Variants in PRRT4 observed in about 807,000 individuals in gnomAD.
The protein encoded by PRRT4 is proline rich transmembrane protein 4, also known as proline-rich transmembrane protein 4.
Under a neutral mutation model 55.6 loss-of-function variants are expected in PRRT4, and 59 were observed. The ratio of observed to expected loss-of-function variants is 1.06; its 90% confidence interval spans 0.86 to 1.32. The LOEUF (loss-of-function observed/expected upper bound fraction) is 1.32, where lower values mean the gene tolerates loss of function less well. Ranked by LOEUF, PRRT4 falls within the 40% of genes most tolerant of loss-of-function variation. The pLI is 0.00. For missense variants in PRRT4, 1,217 were observed against 1,222.0 expected, an observed-to-expected ratio of 1.00 and a Z score of 0.06; for synonymous variants, 606 against 601.8, an observed-to-expected ratio of 1.01 and a Z score of -0.10.
At chr7:128,352,342 A>C in exon 5 of PRRT4, 1 of 1,540,308 alleles carries the variant, frequency 6.5e-7, no homozygotes, top group East Asian at 2.4e-5. Context: ...CGACAGCAGC[A>C]GCAGGTCCAG....
rs1796989167 is a variant in PRRT4, at chr7:128,351,966, C to T, written c.1590G>A (p.Leu530=). 3 of 1,301,656 alleles carry T rather than the reference C, an allele frequency of 2.3e-6. No individual in the cohort carries two copies. In the Admixed American group the frequency reaches 1.1e-4, roughly 48 times the overall value. The allele number at this position is 1,301,656 out of a possible 1,614,324, so 80.6% of individuals were successfully genotyped here. A position where few individuals can be genotyped will look rare whatever the true frequency, so the allele number is the denominator to read the frequency against. Residue 530 remains leucine (L), a synonymous_variant, in exon 5 of 5, where the codon CTG becomes CTA. Transcript: ENST00000535159. ...TGGCGCCCTTGAAGCCCGACCCTCC[C>T]AGGGGCGCCCCGGCCCGCCGCCGCC...
intron 1 of PRRT4, among the ~76,000 whole-genome samples, chr7:128,361,008 G>A (rs1194041577): frequency 3.0e-5 from 4 of 132,612 alleles, no homozygotes; most frequent in African/African-American, 1.2e-4. Context: ...CACACACTCC[G>A]TCCTGCCGAG....
chr7:128,351,295 T>C (rs1353077669), exon 5 of PRRT4: 2 of 1,542,604 alleles, frequency 1.3e-6, no homozygotes, highest in South Asian at 2.4e-5. Context: ...AGGCAGAGCG[T>C]CCTCGAAGGC....
chr7:128,352,447 A>AC lies in PRRT4; in HGVS notation c.1108dup (p.Val370GlyfsTer209), dbSNP rs1218067686. The AC allele has an allele frequency of 2.6e-6, 4 of 1,538,384 alleles. No homozygotes were observed. The highest frequency in any genetic ancestry group is 3.5e-6 in the Non-Finnish European group (4 of 1,146,474). On this transcript the variant is annotated frameshift_variant, in exon 5 of 5. Transcript: ENST00000535159. LOFTEE classifies it high-confidence loss of function. The stretch of plus-strand genomic sequence containing the variant: ...GGCAACCAGGCCGAAGAGCGCGCCT[A>AC]CCCCGTACACGTGGGCCTCCCAGGC...
At chr7:128,359,487 G>A in exon 2 of PRRT4, 1 of 1,464,190 alleles carries the variant, frequency 6.8e-7, no homozygotes, top group Non-Finnish European at 9.0e-7. Context: ...TGGGGCCTGG[G>A]AGCACTGGAT....
intron 4 of PRRT4, among the ~76,000 whole-genome samples, chr7:128,357,007 C>T (rs1338589712): frequency 2.0e-5 from 3 of 152,156 alleles, no homozygotes; most frequent in Admixed American, 1.3e-4. Flanking sequence ...GAGGTGGGCA[C>T]TGATTCACTG....
At chr7:128,353,883 T>C (rs1444797806) in intron 4 of PRRT4, among the ~76,000 whole-genome samples, 1 of 152,102 alleles carries the variant, frequency 6.6e-6, no homozygotes, top group Non-Finnish European at 1.5e-5. Context: ...GGAAGTCACC[T>C]AAGAGAGGGT....
chr7:128,359,185 A>G, exon 3 of PRRT4: 1 of 1,551,768 alleles, frequency 6.4e-7, no homozygotes, highest in Non-Finnish European at 8.7e-7. Flanking sequence ...GAGCTTGTGG[A>G]TGTAGTTTCA....
exon 5 of PRRT4, chr7:128,350,951 G>C (rs1448950090): frequency 3.9e-5 from 60 of 1,550,878 alleles, no homozygotes; most frequent in Non-Finnish European, 5.2e-5. Flanking sequence ...TCGGCCTGCA[G>C]CTCAGAAGCA....
In PRRT4 at chr7:128,359,000, C is replaced by T; in HGVS notation, c.757+149G>A. On this transcript the variant is annotated intron_variant, in intron 3 of 4. Transcript: ENST00000535159. This position sits in a 1 kb window ranked among gnomAD's most constrained non-coding sequence, Gnocchi z 4.4. ...CAGATTCAGTATGGCAAAGAGAATACTCCTTCCGTGGAAGTAGTAGCCCAT... is the reference window on the plus strand; with the variant it reads ...CAGATTCAGTATGGCAAAGAGAATATTCCTTCCGTGGAAGTAGTAGCCCAT... 1 of 1,171,338 alleles carries T rather than the reference C, an allele frequency of 8.5e-7. No individual in the cohort carries two copies. The highest frequency in any genetic ancestry group is 1.4e-5 in the South Asian group (1 of 69,592). 72.6% of individuals were successfully genotyped at this position (1,171,338 alleles called of 1,614,324 possible).
At chr7:128,351,705 C>T in exon 5 of PRRT4, 3 of 1,496,584 alleles carry the variant, frequency 2.0e-6, no homozygotes, top group African/African-American at 1.5e-5. Context: ...AGAGGCCCAG[C>T]AGCGCCAACG....
chr7:128,354,932 G>T lies in PRRT4; in HGVS notation c.878-2254C>A, dbSNP rs1165560164. 2.0e-5 allele frequency among the ~76,000 whole-genome samples: 3 copies of T among 152,200 alleles called. No individual in the cohort carries two copies. In the East Asian group the frequency reaches 5.8e-4, roughly 29 times the overall value. On this transcript the variant is annotated intron_variant, in intron 4 of 4. Coordinates refer to ENST00000535159, the Ensembl canonical transcript of PRRT4. ...AACTCTGGAAAACCTGGTGCATAAT[G>T]ATCCTTCAGTCAAGATTGTGTCGTT...
At chr7:128,359,385 G>A (rs752267107) in exon 2 of PRRT4, 2 of 1,467,800 alleles carry the variant, frequency 1.4e-6, no homozygotes, top group African/African-American at 1.4e-5. Flanking sequence ...CTGGCCCGCA[G>A]GCTGGGCAGC....
At chr7:128,352,792 G>T (rs1797028981) in intron 4 of PRRT4, 114 bp from the exon 6 acceptor site, 2 of 1,094,052 alleles carry the variant, frequency 1.8e-6, no homozygotes, top group African/African-American at 1.6e-5. Flanking sequence ...GGACACACTT[G>T]TCTTACATAT....
exon 5 of PRRT4, chr7:128,351,387 G>C: frequency 6.5e-7 from 1 of 1,543,602 alleles, no homozygotes; most frequent in Non-Finnish European, 8.7e-7. Context: ...TGATTGGGGA[G>C]GGCGGGCGGA....
chr7:128,354,306 G>A (rs1235098791), intron 4 of PRRT4, among the ~76,000 whole-genome samples: 1 of 152,210 alleles, frequency 6.6e-6, no homozygotes, highest in Non-Finnish European at 1.5e-5. Context: ...GCTCATGGCT[G>A]TAATCCCAGC....
exon 5 of PRRT4, chr7:128,351,342 G>A: frequency 6.5e-7 from 1 of 1,546,964 alleles, no homozygotes. Context: ...GCAGGGCCTC[G>A]CTGCAGAGGG....
intron 4 of PRRT4, among the ~76,000 whole-genome samples, chr7:128,353,750 G>A (rs1438276625): frequency 6.6e-6 from 1 of 152,160 alleles, no homozygotes; most frequent in Non-Finnish European, 1.5e-5. Context: ...AACTCTTGGG[G>A]ACATCATAGT....
At chr7:128,351,132 T>A in exon 5 of PRRT4, 1 of 1,546,822 alleles carries the variant, frequency 6.5e-7, no homozygotes, top group Non-Finnish European at 8.7e-7. Context: ...CCCGCGAGAG[T>A]CCGCAGAACG....
Sources: gnomAD v4.1 joint callset for allele counts (sites outside exome capture counted in the v4.1 genomes callset) on GRCh38, gnomAD v4.1.1 for gene constraint, Gnocchi (gnomAD v3.1) non-coding constraint, MANE v1.5 for transcripts, NCBI Gene and HGNC (gene_info 2026-07-23, HGNC 2026-07-21) for gene names.